The following ZNF391 variants were observed in gnomAD, a reference collection of about 807,000 sequenced individuals.
ZNF391 encodes zinc finger protein 391.
For missense variants in ZNF391, 375 were observed against 425.5 expected, an observed-to-expected ratio of 0.88 and a Z score of 1.04; for synonymous variants, 126 against 142.1, an observed-to-expected ratio of 0.89 and a Z score of 0.80.
chr6:27,385,895 C>T (rs1761576716), upstream of ZNF391, among the ~76,000 whole-genome samples: 1 of 152,052 alleles, frequency 6.6e-6, no homozygotes, highest in Non-Finnish European at 1.5e-5. Flanking sequence ...CATAACTTAA[C>T]AAATTTAAAA....
rs1761985728 is a variant in ZNF391, at chr6:27,402,130, T to C, written c.*683T>C. 6.6e-6 allele frequency: 1 copy of C among 152,238 alleles called. No individual in the cohort carries two copies. The highest frequency in any genetic ancestry group is 2.4e-5 in the African/African-American group (1 of 41,468). The allele number at this position is 152,238 out of a possible 1,614,324, so 9.4% of individuals were successfully genotyped here. On this transcript the variant is annotated 3_prime_UTR_variant, in exon 3 of 3. Coordinates refer to ENST00000244576, the MANE Select transcript of ZNF391 (RefSeq NM_001076781.3). Reference sequence around the variant, plus strand: ...TTTACTAACGCCTAACTAATCCTAGTGTTATTTTATCATATTTTTACCAAG... The same window carrying C: ...TTTACTAACGCCTAACTAATCCTAGCGTTATTTTATCATATTTTTACCAAG...
In ZNF391 at chr6:27,401,989, GATA is replaced by G. The variant is rs1192436647; in HGVS notation, c.*546_*548del. Reference sequence around the variant, plus strand: ...ACTGAAAACTTCTCACCAGTCTGGGGATAATAGTGTTGAGGCAAATTCATTCTC... The same window carrying G: ...ACTGAAAACTTCTCACCAGTCTGGGGATAGTGTTGAGGCAAATTCATTCTC... On this transcript the variant is annotated 3_prime_UTR_variant, in exon 3 of 3. Coordinates refer to ENST00000244576, the MANE Select transcript of ZNF391 (RefSeq NM_001076781.3). 6.6e-6 allele frequency: 1 copy of G among 152,294 alleles called. No homozygotes were observed. The highest frequency in any genetic ancestry group is 1.5e-5 in the Non-Finnish European group (1 of 68,110). The allele number at this position is 152,294 out of a possible 1,614,324, so 9.4% of individuals were successfully genotyped here.
Position 27,401,516 on chromosome 6 carries a change from ATTTCAAG to A in ZNF391, c.*71_*77del. ...AACCTCCCACCACTGAAATATATAT[ATTTCAAG>A]TATATATATACTTGTTCTAATTTTC... On this transcript the variant is annotated 3_prime_UTR_variant, in exon 3 of 3. Transcript: ENST00000244576. 8.4e-7 allele frequency: 1 copy of A among 1,183,986 alleles called. No individual in the cohort carries two copies. Among genetic ancestry groups the A allele is most frequent in the Non-Finnish European group, 1.2e-6 (1 of 848,836 alleles). The allele number at this position is 1,183,986 out of a possible 1,614,324, so 73.3% of individuals were successfully genotyped here.
intron 1 of ZNF391, among the ~76,000 whole-genome samples, chr6:27,381,419 A>G (rs2143059): frequency 0.72 from 109,021 of 151,716 alleles, 39,317 homozygotes; most frequent in Middle Eastern, 0.82. Context: ...GCGCAGCCCC[A>G]GTTCCCGCTC....
At position 27,400,421 on chromosome 6, in the gene ZNF391, C is replaced by G. The variant is rs764224619; in HGVS notation, c.51C>G (p.Asp17Glu). 14 of 1,613,760 alleles carry G rather than the reference C, an allele frequency of 8.7e-6. No homozygotes were observed. The highest frequency in any genetic ancestry group is 4.0e-5 in the African/African-American group (3 of 74,878). Residue 17 changes from aspartate (D) to glutamate (E), a missense_variant, in exon 3 of 3, where the codon GAC becomes GAG. Coordinates refer to ENST00000244576, the MANE Select transcript of ZNF391 (RefSeq NM_001076781.3). Reference sequence around the variant, plus strand: ...CTCAGGGTCCTACAAATGAAGAAGACTATAAAAACGAAGGCCAATTATCAA... The same window carrying G: ...CTCAGGGTCCTACAAATGAAGAAGAGTATAAAAACGAAGGCCAATTATCAA... ...NTAQGPTNEEDYKNEGQLSRQ... is the reference protein window; with the variant it reads ...NTAQGPTNEEEYKNEGQLSRQ...
At chr6:27,391,952 C>G (rs1761723859) in intron 1 of ZNF391, among the ~76,000 whole-genome samples, 1 of 152,148 alleles carries the variant, frequency 6.6e-6, no homozygotes, top group Non-Finnish European at 1.5e-5. Flanking sequence ...AGAGTAGATT[C>G]ATTCTAGTTC....
chr6:27,389,815 A>C (rs958396064), intron 1 of ZNF391, among the ~76,000 whole-genome samples: 3 of 74,536 alleles, frequency 4.0e-5, no homozygotes, highest in Non-Finnish European at 9.6e-5. Flanking sequence ...CCTCCCCCCC[A>C]AAAAAGAGAA....
At chr6:27,380,571 G>A (rs992579206) in intron 1 of ZNF391, among the ~76,000 whole-genome samples, 1 of 152,324 alleles carries the variant, frequency 6.6e-6, no homozygotes, top group East Asian at 1.9e-4. Context: ...GGTTGCCACT[G>A]CTGGCTCGGG....
chr6:27,398,429 G>A (rs1242754058), intron 1 of ZNF391, among the ~76,000 whole-genome samples: 2 of 150,756 alleles, frequency 1.3e-5, no homozygotes, highest in African/African-American at 4.8e-5. Flanking sequence ...CACTCTGATA[G>A]GTTGGTGTTC....
chr6:27,390,072 T>G (rs2113648117), intron 1 of ZNF391, among the ~76,000 whole-genome samples: 1 of 152,352 alleles, frequency 6.6e-6, no homozygotes, highest in African/African-American at 2.4e-5. Context: ...GCAGTTCTGC[T>G]GATTGCTTTG....
chr6:27,397,362 TA>T (rs1761849959), intron 1 of ZNF391, among the ~76,000 whole-genome samples: 1 of 152,148 alleles, frequency 6.6e-6, no homozygotes, highest in Non-Finnish European at 1.5e-5. Context: ...AGGATGCTGC[TA>T]AACCAATCAG....
At chr6:27,377,260 C>T (rs1190328752) in intron 1 of ZNF391, among the ~76,000 whole-genome samples, 1 of 152,208 alleles carries the variant, frequency 6.6e-6, no homozygotes, top group African/African-American at 2.4e-5. Context: ...TGTAGCTTCT[C>T]ATTGGAAACA....
At chr6:27,380,084 C>T (rs528748947) in intron 1 of ZNF391, among the ~76,000 whole-genome samples, 1 of 152,266 alleles carries the variant, frequency 6.6e-6, no homozygotes, top group African/African-American at 2.4e-5. Context: ...TTGCTTGAGC[C>T]CAGGAGTTAA....
Position 27,400,965 on chromosome 6 carries a change from G to A in ZNF391, c.595G>A (p.Gly199Arg). The change falls in exon 3 of 3, where the codon GGA (glycine) becomes AGA (arginine). Residue 199 changes from glycine (G) to arginine (R), a missense_variant. Coordinates refer to ENST00000244576, the MANE Select transcript of ZNF391 (RefSeq NM_001076781.3). ...AAAACCATATGAATGTAGTGAATGT[G>A]GAAAAGCCTTTAGCCGAAGCACTAA... ...GEKPYECSEC[G>R]KAFSRSTNLS... 1 of 1,614,200 alleles carries A rather than the reference G, an allele frequency of 6.2e-7. No homozygotes were observed. The highest frequency in any genetic ancestry group is 8.5e-7 in the Non-Finnish European group (1 of 1,180,030).
Position 27,397,382 on chromosome 6 carries a change from T to G in ZNF391, c.-187-2060T>G, listed in dbSNP as rs534287313. On this transcript the variant is annotated intron_variant, in intron 1 of 2. Coordinates refer to ENST00000244576, the MANE Select transcript of ZNF391 (RefSeq NM_001076781.3). Reference sequence around the variant, plus strand: ...GCTGCTAAACCAATCAGGAGGAAACTGCCCCCATGATCCAACCATCTCCCA... The same window carrying G: ...GCTGCTAAACCAATCAGGAGGAAACGGCCCCCATGATCCAACCATCTCCCA... Among the ~76,000 whole-genome samples the G allele has an allele frequency of 3.9e-5, 6 of 152,278 alleles. No homozygotes were observed. The East Asian group carries it at 9.7e-4, about 25-fold the overall frequency.
upstream of ZNF391, among the ~76,000 whole-genome samples, chr6:27,383,956 A>T (rs1378737327): frequency 2.0e-5 from 3 of 152,218 alleles, no homozygotes; most frequent in Non-Finnish European, 4.4e-5. Context: ...GAGTGGAGTG[A>T]AATATTTAAA....
chr6:27,394,618 G>T (rs1761785187), intron 1 of ZNF391, among the ~76,000 whole-genome samples: 1 of 152,224 alleles, frequency 6.6e-6, no homozygotes, highest in Non-Finnish European at 1.5e-5. Flanking sequence ...CCCACACAGG[G>T]TCCCCACTGG....
chr6:27,382,658 A>G (rs1240319340), intron 1 of ZNF391, among the ~76,000 whole-genome samples: 1 of 152,216 alleles, frequency 6.6e-6, no homozygotes, highest in East Asian at 1.9e-4. Flanking sequence ...AAGAATAGAT[A>G]GGTAATGTTA....
Position 27,400,768 on chromosome 6 carries a change from G to C in ZNF391, c.398G>C (p.Gly133Ala). Residue 133 changes from glycine (G) to alanine (A), a missense_variant, in exon 3 of 3, where the codon GGA becomes GCA. Gly to Ala is a moderately conservative substitution (Grantham distance 60, BLOSUM62 0). Coordinates refer to ENST00000244576, the MANE Select transcript of ZNF391 (RefSeq NM_001076781.3). Reference sequence around the variant, plus strand: ...CTTGTACACAGTAGAATTCATGGTGGAGAAAAGCCTTTTGAATGCAACAAA... The same window carrying C: ...CTTGTACACAGTAGAATTCATGGTGCAGAAAAGCCTTTTGAATGCAACAAA... Reference protein sequence around the residue: ...DLLVHSRIHGGEKPFECNKCG... With the variant: ...DLLVHSRIHGAEKPFECNKCG... 2 of 1,614,202 alleles carry C rather than the reference G, an allele frequency of 1.2e-6. No individual in the cohort carries two copies.
Sources: allele counts gnomAD v4.1 joint callset (sites outside exome capture counted in the v4.1 genomes callset), GRCh38; gene constraint gnomAD v4.1.1; transcripts MANE v1.5; gene names NCBI Gene and HGNC (gene_info 2026-07-23, HGNC 2026-07-21).